Variants in MAPK10 observed in about 807,000 individuals in gnomAD.
MAPK10 encodes the protein mitogen-activated protein kinase 10.
MAPK10 carries 25 observed loss-of-function variants against 59.3 expected under a neutral mutation model. That is an observed-to-expected ratio of 0.42 (90% confidence interval 0.31 to 0.59). The LOEUF is 0.59. Ranked by LOEUF, MAPK10 falls within the 20% of genes least tolerant of loss-of-function variation. MAPK10 has a pLI of 0.15. For synonymous variants in MAPK10, 190 were observed against 200.5 expected (o/e 0.95, Z 0.44); for missense variants, 351 against 568.9 (o/e 0.62, Z 3.90).
At chr4:86,582,711 A>G (rs1409368599) in intron 1 of MAPK10, among the ~76,000 whole-genome samples, 2 of 152,192 alleles carry the variant, frequency 1.3e-5, no homozygotes, top group African/African-American at 4.8e-5. Context: ...TGGGAACTAA[A>G]CCAATGAGCC....
intron 1 of MAPK10, among the ~76,000 whole-genome samples, chr4:86,518,001 GT>G (rs1466909118): frequency 2.0e-5 from 3 of 151,846 alleles, no homozygotes; most frequent in South Asian, 2.1e-4. Flanking sequence ...CCTGTTTTTT[GT>G]TTGTTTTTTG....
At chr4:86,359,288 C>CTCTCTCTG (rs796310826) in intron 1 of MAPK10, among the ~76,000 whole-genome samples, 37 of 94,634 alleles carry the variant, frequency 3.9e-4, no homozygotes, top group South Asian at 1.1e-3. Context: ...CTCTCTCTCT[C>CTCTCTCTG]TGTGTGTGTG....
At chr4:86,022,229 A>T (rs112441631) in intron 13 of MAPK10, among the ~76,000 whole-genome samples, 32 of 152,360 alleles carry the variant, frequency 2.1e-4, no homozygotes, top group African/African-American at 7.2e-4. Context: ...GTATATGAGG[A>T]TTCCAATTTC....
At chr4:86,315,164 C>T (rs2095755228) in intron 2 of MAPK10, among the ~76,000 whole-genome samples, 1 of 151,784 alleles carries the variant, frequency 6.6e-6, no homozygotes, top group Admixed American at 6.6e-5. Flanking sequence ...ATCACATGTT[C>T]TTACTTATTT....
intron 1 of MAPK10, among the ~76,000 whole-genome samples, chr4:86,452,373 T>A (rs564737735): frequency 4.7e-4 from 71 of 152,294 alleles, no homozygotes; most frequent in Non-Finnish European, 9.8e-4. Flanking sequence ...ACTTTCACTC[T>A]AAGCATGCAA....
At chr4:86,026,428 GC>G (rs1750266517) in intron 13 of MAPK10, 1 of 152,162 alleles carries the variant, frequency 6.6e-6, no homozygotes, top group African/African-American at 2.4e-5. Context: ...AAATCAGATA[GC>G]AGAAGGGAAT....
chr4:86,247,827 T>C (rs896660004), intron 2 of MAPK10, among the ~76,000 whole-genome samples: 1 of 152,186 alleles, frequency 6.6e-6, no homozygotes, highest in African/African-American at 2.4e-5. Flanking sequence ...AAAAACATGG[T>C]CAGCAGCATC....
chr4:86,127,357 T>C (rs2060240965), intron 4 of MAPK10, among the ~76,000 whole-genome samples: 1 of 152,038 alleles, frequency 6.6e-6, no homozygotes, highest in South Asian at 2.1e-4. Context: ...AGTAAACTAA[T>C]TGATGATTGA....
chr4:86,559,241 C>T (rs971949962), intron 1 of MAPK10, among the ~76,000 whole-genome samples: 5 of 150,988 alleles, frequency 3.3e-5, no homozygotes, highest in South Asian at 2.1e-4. Context: ...CTATACCCTA[C>T]GTGACTAGCA....
rs138085752 is a variant in MAPK10 at position 86,058,275 on chromosome 4, A to C, written c.1110+5991T>G. ...CTTCTCCTTTACTTAGGGATTTCAG[A>C]ATTGTGAATAAGGAAAGAATGACCT... On this transcript the variant is annotated intron_variant, in intron 11 of 13. Transcript: ENST00000641462. Among the ~76,000 whole-genome samples the C allele has an allele frequency of 2.9e-4, 43 of 149,616 alleles. 2 individuals are homozygous for C. The highest frequency in any genetic ancestry group is 1.0e-3 in the African/African-American group (41 of 39,884).
intron 1 of MAPK10, among the ~76,000 whole-genome samples, chr4:86,512,144 TC>T (rs1756323276): frequency 6.6e-6 from 1 of 152,138 alleles, no homozygotes; most frequent in African/African-American, 2.4e-5. Flanking sequence ...GTAACTTTTT[TC>T]TTAAGCTATC....
chr4:86,035,750 T>C (rs754675047), intron 11 of MAPK10, among the ~76,000 whole-genome samples: 40 of 152,266 alleles, frequency 2.6e-4, no homozygotes, highest in Non-Finnish European at 4.7e-4. Context: ...GGTGAAGCCA[T>C]CTAAAGAAAT....
At chr4:86,320,071 G>A (rs1345711675) in intron 2 of MAPK10, among the ~76,000 whole-genome samples, 3 of 152,312 alleles carry the variant, frequency 2.0e-5, no homozygotes, top group Admixed American at 6.5e-5. Context: ...CAAGAGCAAC[G>A]GTGGTATTGG....
At chr4:86,546,170 C>T (rs1276483201) in intron 1 of MAPK10, among the ~76,000 whole-genome samples, 1 of 151,932 alleles carries the variant, frequency 6.6e-6, no homozygotes, top group African/African-American at 2.4e-5. Context: ...CTGCAGTAAG[C>T]CGAGATGGCG....
intron 1 of MAPK10, among the ~76,000 whole-genome samples, chr4:86,400,091 T>C (rs1255725694): frequency 6.6e-6 from 1 of 152,162 alleles, no homozygotes; most frequent in Non-Finnish European, 1.5e-5. Context: ...TATACAAATA[T>C]ATTTTTCACA....
chr4:86,043,106 G>A (rs2041890867), intron 11 of MAPK10, among the ~76,000 whole-genome samples: 1 of 152,060 alleles, frequency 6.6e-6, no homozygotes, highest in Admixed American at 6.6e-5. Flanking sequence ...TTATACATCT[G>A]GAACTCAGGC....
chr4:86,113,514 C>T (rs1561862622), intron 4 of MAPK10, among the ~76,000 whole-genome samples: 1 of 152,162 alleles, frequency 6.6e-6, no homozygotes, highest in East Asian at 1.9e-4. Context: ...GTTGGAAACT[C>T]TTTTCTTTAA....
At chr4:86,548,303 G>A (rs1759436481) in intron 1 of MAPK10, among the ~76,000 whole-genome samples, 1 of 152,014 alleles carries the variant, frequency 6.6e-6, no homozygotes, top group Admixed American at 6.6e-5. Context: ...CCACCAGAAG[G>A]AAGAAACTCC....
intron 9 of MAPK10, chr4:86,079,913 C>G (rs1050642192): frequency 6.6e-6 from 1 of 152,024 alleles, no homozygotes; most frequent in Non-Finnish European, 1.5e-5. Flanking sequence ...TAGAAGTAAT[C>G]CCTGCCCCCA....
Sources: gnomAD v4.1 joint callset for allele counts (sites outside exome capture counted in the v4.1 genomes callset) on GRCh38, gnomAD v4.1.1 for gene constraint, MANE v1.5 for transcripts, NCBI Gene and HGNC (gene_info 2026-07-23, HGNC 2026-07-21) for gene names.